GRAPL: variants seen among roughly 807,000 people sequenced by gnomAD.
GRAPL encodes the protein GRB2-related adapter protein-like.
At chr17:19,151,924 G>T (rs1239075211) in intron 3 of GRAPL, among the ~76,000 whole-genome samples, 1 of 135,324 alleles carries the variant, frequency 7.4e-6, no homozygotes, top group Non-Finnish European at 1.6e-5. Context: ...TTGCTCTGTT[G>T]CCCAGGCTGG....
At chr17:19,149,491 G>A (rs1362063021) in intron 3 of GRAPL, among the ~76,000 whole-genome samples, 1 of 97,016 alleles carries the variant, frequency 1.0e-5, no homozygotes, top group Non-Finnish European at 1.7e-5. Flanking sequence ...GCTGGTCACC[G>A]TGGCTTACGC....
intron 3 of GRAPL, among the ~76,000 whole-genome samples, chr17:19,149,587 C>G (rs2044722667): frequency 9.6e-6 from 1 of 104,464 alleles, no homozygotes; most frequent in South Asian, 5.1e-4. Context: ...TTATGAAAAC[C>G]TGTCTCTACT....
chr17:19,147,106 G>A lies in GRAPL; in HGVS notation c.299+8518G>A, dbSNP rs1186539733. ...AAGGCATCAAGTGCTTTGGACTGGT[G>A]GTTGGATCTCATTTAGCCCAAATGT... On this transcript the variant is annotated intron_variant, in intron 3 of 3. Transcript: ENST00000344415. Among the ~76,000 whole-genome samples, 7 of 143,374 alleles carry A rather than the reference G, an allele frequency of 4.9e-5. 1 individual carries two copies. Among genetic ancestry groups the A allele is most frequent in the African/African-American group, 1.4e-4 (5 of 35,900 alleles). 94.1% of individuals were successfully genotyped at this position (143,374 alleles called of 152,430 possible).
intron 3 of GRAPL, among the ~76,000 whole-genome samples, chr17:19,143,947 G>C (rs1377929704): frequency 2.8e-4 from 2 of 7,120 alleles, no homozygotes; most frequent in African/African-American, 6.8e-4. Context: ...CGACCTCTGT[G>C]CCCTGACAGA....
At chr17:19,147,050 TGCGCGCGC>T (rs202183900) in intron 3 of GRAPL, among the ~76,000 whole-genome samples, 1,909 of 119,548 alleles carry the variant, frequency 0.016, 94 homozygotes, top group East Asian at 0.13. Flanking sequence ...TGTGTGTGTG[TGCGCGCGC>T]GCGCGCGTGC....
intron 3 of GRAPL, chr17:19,144,232 C>G (rs955242343): frequency 3.7e-6 from 1 of 267,774 alleles, no homozygotes; most frequent in African/African-American, 2.7e-5. Context: ...AGGGCTCCTG[C>G]CCCCACCCCA....
chr17:19,144,977 C>A (rs1311876260), intron 3 of GRAPL, among the ~76,000 whole-genome samples: 5 of 2,512 alleles, frequency 2.0e-3, no homozygotes, highest in Non-Finnish European at 3.4e-3. Flanking sequence ...CCCAGCCAGG[C>A]TAGGGAAAAG....
Position 19,149,058 on chromosome 17 carries a change from A to G in GRAPL, c.300-9261A>G, listed in dbSNP as rs1432088804. On this transcript the variant is annotated intron_variant, in intron 3 of 3. Coordinates refer to ENST00000344415, the MANE Select transcript of GRAPL (RefSeq NM_001129778.3). ...GAGAGAAAAATCCGTGGCTGGGCGC[A>G]GTGGCTCACGCCTATAATCCCAGCA... 8.2e-4 allele frequency among the ~76,000 whole-genome samples: 106 copies of G among 128,782 alleles called. 5 individuals carry two copies. Among genetic ancestry groups the G allele is most frequent in the Middle Eastern group, 3.8e-3 (1 of 266 alleles). 84.5% of individuals were successfully genotyped at this position (128,782 alleles called of 152,430 possible).
At chr17:19,149,198 C>T (rs1192582755) in intron 3 of GRAPL, among the ~76,000 whole-genome samples, 21 of 99,446 alleles carry the variant, frequency 2.1e-4, no homozygotes, top group African/African-American at 9.7e-4. Context: ...GGCGTGGTGG[C>T]GGGCACCTGT....
At chr17:19,129,001 A>G (rs2152187079) in intron 1 of GRAPL, among the ~76,000 whole-genome samples, 1 of 84,966 alleles carries the variant, frequency 1.2e-5, no homozygotes, top group Middle Eastern at 5.3e-3. Flanking sequence ...CAGTGATGAA[A>G]TAGGAATGGG....
At chr17:19,149,314 G>A (rs1597954081) in intron 3 of GRAPL, among the ~76,000 whole-genome samples, 1 of 68,396 alleles carries the variant, frequency 1.5e-5, no homozygotes, top group Non-Finnish European at 2.0e-5. Flanking sequence ...GGGCAACAGA[G>A]CAAGACTCTG....
chr17:19,149,324 G>A (rs1597954093), intron 3 of GRAPL, among the ~76,000 whole-genome samples: 2 of 52,772 alleles, frequency 3.8e-5, no homozygotes, highest in African/African-American at 3.5e-4. Context: ...GCAAGACTCT[G>A]TCTCAAAAAA....
chr17:19,144,561 C>T (rs1664260955), intron 3 of GRAPL, among the ~76,000 whole-genome samples: 1 of 142,970 alleles, frequency 7.0e-6, no homozygotes, highest in African/African-American at 2.6e-5. Flanking sequence ...CCCAGGAATG[C>T]ACACTCAGAC....
intron 3 of GRAPL, among the ~76,000 whole-genome samples, chr17:19,147,016 G>GT (rs2044697046): frequency 1.0e-5 from 1 of 98,538 alleles, no homozygotes; most frequent in Admixed American, 1.1e-4. Context: ...GAGAGGTAGG[G>GT]GTGTGTGTGT....
intron 2 of GRAPL, among the ~76,000 whole-genome samples, chr17:19,133,747 G>A (rs546702537): frequency 6.8e-6 from 1 of 146,648 alleles, no homozygotes; most frequent in African/African-American, 2.4e-5. Flanking sequence ...ATGAGCAAAG[G>A]GAGAGCAATG....
intron 3 of GRAPL, among the ~76,000 whole-genome samples, chr17:19,149,010 G>A (rs1043466015): frequency 7.6e-6 from 1 of 131,914 alleles, no homozygotes; most frequent in Non-Finnish European, 1.6e-5. Flanking sequence ...CTGGCTGGAA[G>A]GCTGGGCACA....
intron 3 of GRAPL, chr17:19,144,013 T>C (rs906240980): frequency 2.4e-5 from 1 of 41,844 alleles, no homozygotes; most frequent in Non-Finnish European, 4.4e-5. Context: ...CAGGAGTCTG[T>C]CTGCACCAGT....
intron 3 of GRAPL, among the ~76,000 whole-genome samples, chr17:19,147,369 GCCTA>G (rs2044705797): frequency 1.0e-5 from 1 of 99,670 alleles, no homozygotes; most frequent in Non-Finnish European, 1.9e-5. Context: ...AGCCAGGTGG[GCCTA>G]GGGTGGCTCT....
At chr17:19,147,050 T>C (rs201578507) in intron 3 of GRAPL, among the ~76,000 whole-genome samples, 1,370 of 119,552 alleles carry the variant, frequency 0.011, 84 homozygotes, top group African/African-American at 0.025. Context: ...TGTGTGTGTG[T>C]GCGCGCGCGC....
Sources: gnomAD v4.1 joint callset for allele counts (sites outside exome capture counted in the v4.1 genomes callset) on GRCh38, gnomAD v4.1.1 for gene constraint, MANE v1.5 for transcripts, NCBI Gene and HGNC (gene_info 2026-07-23, HGNC 2026-07-21) for gene names.